Variants in SNRK observed in about 807,000 individuals in gnomAD.
The protein encoded by SNRK is SNF related kinase, also known as SNF-related serine/threonine-protein kinase.
In SNRK, 3 loss-of-function variants were observed where a neutral mutation model predicts 48.2. The ratio of observed to expected loss-of-function variants is 0.06; its 90% CI spans 0.03 to 0.16. The LOEUF is 0.16. SNRK is among the 10% of genes least tolerant of loss of function. The pLI is 1.00. For synonymous variants in SNRK, 376 were observed against 366.1 expected (o/e 1.03, Z -0.31); for missense variants, 627 against 976.0 (o/e 0.64, Z 4.76).
In SNRK at chr3:43,296,048, T is replaced by G. The variant is rs973997396; in HGVS notation, c.-168-3706T>G. ...CCACCACGCCTGGCCAAAATATTAT[T>G]TACTTTGAATAAAGAAAACAGCAGT... On this transcript the variant is annotated intron_variant, in intron 1 of 6. Coordinates refer to ENST00000296088, the MANE Select transcript of SNRK (RefSeq NM_017719.5). Among the ~76,000 whole-genome samples the G allele has an allele frequency of 7.9e-5, 12 of 152,168 alleles. 1 individual carries two copies. Among genetic ancestry groups the G allele is most frequent in the Non-Finnish European group, 2.9e-5 (2 of 68,042 alleles).
In SNRK at chr3:43,343,450, A is replaced by G. The variant is rs751761706; in HGVS notation, c.1051A>G (p.Ser351Gly). 1.4e-5 allele frequency: 23 copies of G among 1,614,076 alleles called. No individual in the cohort carries two copies. In the Admixed American group the frequency reaches 1.5e-4, roughly 11 times the overall value. The change falls in exon 6 of 7, where the codon AGC becomes GGC. Residue 351 changes from serine to glycine, a missense_variant. Ser to Gly is a moderately conservative substitution (Grantham distance 56). Around this residue, in one of 4 missense-constraint regions of SNRK, gnomAD observed 175 missense variants for 209.7 expected, o/e 0.83. Transcript: ENST00000296088. ...QEKEIQTRSA[S>G]PSNIKAQFRQ... The stretch of plus-strand genomic sequence containing the variant: ...GAAAGAAATACAGACCAGATCTGCA[A>G]GCCCGAGCAATATCAAGGCCCAGTT...
In SNRK at chr3:43,340,305, A is replaced by G; in HGVS notation, c.750A>G (p.Leu250=). The G allele has an allele frequency of 6.2e-7, 1 of 1,614,090 alleles. No individual in the cohort carries two copies. The highest frequency in any genetic ancestry group is 2.2e-5 in the East Asian group (1 of 44,872). Reference sequence around the variant, plus strand: ...TTTCCAGCCTAATCACACGGATGCTACAGAGAGATCCCAAGAGAAGGGCTT... The same window carrying G: ...TTTCCAGCCTAATCACACGGATGCTGCAGAGAGATCCCAAGAGAAGGGCTT... ...KECKDLITRM[L]QRDPKRRASL... The change falls in exon 5 of 7, where the codon CTA becomes CTG. Residue 250 remains leucine (L), a synonymous_variant. Coordinates refer to ENST00000296088, the MANE Select transcript of SNRK (RefSeq NM_017719.5).
At chr3:43,341,991 G>A (rs1387573954) in intron 5 of SNRK, among the ~76,000 whole-genome samples, 4 of 152,172 alleles carry the variant, frequency 2.6e-5, no homozygotes, top group Non-Finnish European at 4.4e-5. Flanking sequence ...TGGTGGAGAC[G>A]GGACACTTGC....
intron 3 of SNRK, among the ~76,000 whole-genome samples, chr3:43,304,810 C>T (rs1230080224): frequency 6.6e-6 from 1 of 151,974 alleles, no homozygotes; most frequent in Admixed American, 6.6e-5. Context: ...ACTCTGTACA[C>T]CAAGACACTG....
At chr3:43,306,588 A>G (rs1157014551) in intron 3 of SNRK, among the ~76,000 whole-genome samples, 3 of 152,000 alleles carry the variant, frequency 2.0e-5, no homozygotes, top group South Asian at 4.2e-4. Context: ...TAATAGCATC[A>G]TGTATCAAAA....
chr3:43,332,363 G>GT (rs766639701), intron 4 of SNRK, 53 bp downstream of exon 4: 14 of 1,191,280 alleles, frequency 1.2e-5, no homozygotes, highest in Non-Finnish European at 1.4e-5. Flanking sequence ...AAAACCAGAA[G>GT]TTTTAATTCC....
intron 3 of SNRK, among the ~76,000 whole-genome samples, chr3:43,311,101 A>G (rs2090975797): frequency 6.6e-6 from 1 of 152,120 alleles, no homozygotes; most frequent in African/African-American, 2.4e-5. Context: ...GGTTGTTAAT[A>G]TACCTCTTGG....
intron 3 of SNRK, among the ~76,000 whole-genome samples, chr3:43,304,522 A>T (rs1334929507): frequency 6.6e-6 from 1 of 152,124 alleles, no homozygotes; most frequent in Non-Finnish European, 1.5e-5. Flanking sequence ...TGGTGAAAGT[A>T]TTTACTGCCT....
At chr3:43,313,568 A>G (rs2090994086) in intron 3 of SNRK, among the ~76,000 whole-genome samples, 2 of 152,218 alleles carry the variant, frequency 1.3e-5, no homozygotes, top group South Asian at 4.1e-4. Flanking sequence ...GCCTGTAAAA[A>G]GATAGCATGA....
At chr3:43,340,240 T>A (rs1352416636) in intron 4 of SNRK, 47 bp from the exon 5 acceptor site, 7 of 1,418,246 alleles carry the variant, frequency 4.9e-6, no homozygotes, top group Non-Finnish European at 7.0e-6. Context: ...TCATTACTGA[T>A]CCTTGCAAGC....
At chr3:43,342,405 G>A (rs17075581) in intron 5 of SNRK, among the ~76,000 whole-genome samples, 1 of 152,082 alleles carries the variant, frequency 6.6e-6, no homozygotes, top group African/African-American at 2.4e-5. Context: ...TTTAGTACTT[G>A]GCTGAAGAAA....
At chr3:43,333,618 G>A (rs2091165144) in intron 4 of SNRK, among the ~76,000 whole-genome samples, 1 of 151,982 alleles carries the variant, frequency 6.6e-6, no homozygotes, top group Non-Finnish European at 1.5e-5. Flanking sequence ...AGTTGTCTGG[G>A]GGCATACGTT....
chr3:43,320,482 G>A (rs1013335471), intron 3 of SNRK, among the ~76,000 whole-genome samples: 1 of 152,128 alleles, frequency 6.6e-6, no homozygotes, highest in Non-Finnish European at 1.5e-5. Flanking sequence ...TCATCACCAC[G>A]TTCCAGGTTG....
intron 3 of SNRK, among the ~76,000 whole-genome samples, chr3:43,307,488 CTG>C (rs1474352862): frequency 6.6e-6 from 1 of 152,224 alleles, no homozygotes; most frequent in African/African-American, 2.4e-5. Flanking sequence ...TCATGCCTCT[CTG>C]TCACATTTTG....
chr3:43,344,470 G>A (rs1331671437), intron 6 of SNRK, among the ~76,000 whole-genome samples: 1 of 152,126 alleles, frequency 6.6e-6, no homozygotes, highest in Non-Finnish European at 1.5e-5. Flanking sequence ...TATTATGATT[G>A]TAAAAGATTA....
intron 3 of SNRK, among the ~76,000 whole-genome samples, chr3:43,325,164 GTTTTGTTTT>G (rs1217380439): frequency 6.6e-6 from 1 of 151,882 alleles, no homozygotes; most frequent in Non-Finnish European, 1.5e-5. Flanking sequence ...GTGTTTTTTG[GTTTTGTTTT>G]TTTTGTTTTT....
In SNRK at chr3:43,309,418, A is replaced by G. The variant is rs188631308; in HGVS notation, c.589+5626A>G. On this transcript the variant is annotated intron_variant, in intron 3 of 6. Transcript: ENST00000296088. ...AAACAGTGTTGCATGCTAGAGATAAATCTTTCATGAAAGGAAGAATCAAAT... is the reference window on the plus strand; with the variant it reads ...AAACAGTGTTGCATGCTAGAGATAAGTCTTTCATGAAAGGAAGAATCAAAT... Among the ~76,000 whole-genome samples the G allele has an allele frequency of 3.0e-3, 453 of 152,218 alleles. 1 individual carries two copies. Among genetic ancestry groups the G allele is most frequent in the Non-Finnish European group, 4.7e-3 (319 of 68,002 alleles).
intron 3 of SNRK, among the ~76,000 whole-genome samples, chr3:43,321,053 T>C (rs2091049853): frequency 1.3e-5 from 2 of 152,096 alleles, no homozygotes; most frequent in African/African-American, 4.8e-5. Context: ...TACTCAGTTA[T>C]CAGTTTGTGA....
intron 3 of SNRK, 67 bp from the exon 4 acceptor site, chr3:43,332,102 A>C: frequency 1.3e-4 from 139 of 1,099,150 alleles, no homozygotes; most frequent in Non-Finnish European, 1.6e-4. Flanking sequence ...TAATATTGTT[A>C]GCGCACTTTT....
Sources: allele counts gnomAD v4.1 joint callset (sites outside exome capture counted in the v4.1 genomes callset), GRCh38; gene constraint gnomAD v4.1.1; regional missense constraint gnomAD v4.1.1; transcripts MANE v1.5; gene names NCBI Gene and HGNC (gene_info 2026-07-23, HGNC 2026-07-21).